The following PRDM11 variants were observed in gnomAD, a reference collection of about 807,000 sequenced individuals.
The protein encoded by PRDM11 is PR domain-containing protein 11.
A neutral mutation model predicts 97.8 loss-of-function variants in PRDM11; 20 were observed. The ratio of observed to expected loss-of-function variants is 0.20; its 90% CI spans 0.14 to 0.30. The LOEUF is 0.30. Among genes scored for constraint, PRDM11 ranks in the 10% least tolerant of loss-of-function variants. PRDM11 has a pLI of 1.00. For synonymous variants in PRDM11, 599 were observed against 637.7 expected (o/e 0.94, Z 0.91); for missense variants, 1,139 against 1,555.2 (o/e 0.73, Z 4.50).
chr11:45,169,660 A>G (rs1273320633), intron 1 of PRDM11, among the ~76,000 whole-genome samples: 2 of 152,210 alleles, frequency 1.3e-5, no homozygotes, highest in Admixed American at 1.3e-4. Context: ...CTTTCCAATA[A>G]TAGAACACTA....
rs755481965 is a variant in PRDM11 at position 45,232,600 on chromosome 11, G to A, written c.*4441G>A. ...AAAGGGGTTTTCAGAGGGCAGTGGT[G>A]TGCCCATTCCAGACACCAGTCTTCT... On this transcript the variant is annotated 3_prime_UTR_variant, in exon 8 of 8. Coordinates refer to ENST00000683152, the MANE Select transcript of PRDM11 (RefSeq NM_001384648.1). 8 of 152,410 alleles carry A rather than the reference G, an allele frequency of 5.2e-5. No homozygotes were observed. Among genetic ancestry groups the A allele is most frequent in the Admixed American group, 1.3e-4 (2 of 15,288 alleles). The allele number at this position is 152,410 out of a possible 1,614,324, so 9.4% of individuals were successfully genotyped here.
chr11:45,224,847 A>G lies in PRDM11; in HGVS notation c.1369+4A>G. ...CCAGAGTTCTCGGACCCTGCAGGTAAGTTGGTTTGGATGAGATTATTGTCG... is the reference window on the plus strand; with the variant it reads ...CCAGAGTTCTCGGACCCTGCAGGTAGGTTGGTTTGGATGAGATTATTGTCG... On this transcript the variant is annotated splice_donor_region_variant and intron_variant, in intron 7 of 7. Coordinates refer to ENST00000683152, the MANE Select transcript of PRDM11 (RefSeq NM_001384648.1). 1 of 1,613,312 alleles carries G rather than the reference A, an allele frequency of 6.2e-7. No homozygotes were observed. The highest frequency in any genetic ancestry group is 8.5e-7 in the Non-Finnish European group (1 of 1,180,006).
chr11:45,222,079 T>C (rs1565343958), intron 6 of PRDM11, among the ~76,000 whole-genome samples: 1 of 152,216 alleles, frequency 6.6e-6, no homozygotes, highest in Non-Finnish European at 1.5e-5. Flanking sequence ...CTGAAGAGAG[T>C]GTAAACTATT....
intron 1 of PRDM11, among the ~76,000 whole-genome samples, chr11:45,130,215 T>C (rs1852687709): frequency 6.6e-6 from 1 of 152,166 alleles, no homozygotes; most frequent in Admixed American, 6.5e-5. Flanking sequence ...GATATTGGGA[T>C]AGTTAAAAAG....
At chr11:45,154,008 G>A (rs1029496514) in intron 1 of PRDM11, among the ~76,000 whole-genome samples, 1 of 152,176 alleles carries the variant, frequency 6.6e-6, no homozygotes, top group Non-Finnish European at 1.5e-5. Context: ...AGTCTTTGAG[G>A]TTGCCTATTT....
chr11:45,135,128 A>ACTCTCTCTCTCT (rs58588988), intron 1 of PRDM11, among the ~76,000 whole-genome samples: 2 of 148,838 alleles, frequency 1.3e-5, no homozygotes, highest in African/African-American at 4.9e-5. Flanking sequence ...TTTTAATTAT[A>ACTCTCTCTCTCT]CTCTCTCTCT....
chr11:45,156,244 C>G (rs530905106), intron 1 of PRDM11, among the ~76,000 whole-genome samples: 1 of 152,370 alleles, frequency 6.6e-6, no homozygotes, highest in East Asian at 1.9e-4. Flanking sequence ...GTCACCCTCT[C>G]TGTGCCTTTA....
intron 5 of PRDM11, among the ~76,000 whole-genome samples, chr11:45,208,089 C>A (rs1853579759): frequency 6.6e-6 from 1 of 152,176 alleles, no homozygotes; most frequent in African/African-American, 2.4e-5. Flanking sequence ...AATCCCAGGT[C>A]CCCCTGGTGT....
chr11:45,181,437 G>A (rs1048177419), intron 1 of PRDM11, among the ~76,000 whole-genome samples: 5 of 152,202 alleles, frequency 3.3e-5, no homozygotes, highest in Non-Finnish European at 7.3e-5. Context: ...GCTCATGTGG[G>A]ATCCTCCTGC....
In PRDM11 at chr11:45,224,679, C is replaced by G; in HGVS notation, c.1205C>G (p.Pro402Arg). The G allele has an allele frequency of 6.2e-7, 1 of 1,614,158 alleles. No individual in the cohort carries two copies. ...SPAEASLASD[P>R]HELPTTSFCP... ...GCCGAGGCCTCCCTTGCATCTGACC[C>G]TCATGAACTTCCCACCACCTCTTTT... Residue 402 changes from proline (P) to arginine (R), a missense_variant, in exon 7 of 8, where the codon CCT (proline) becomes CGT (arginine). Coordinates refer to ENST00000683152, the MANE Select transcript of PRDM11 (RefSeq NM_001384648.1).
At chr11:45,204,669 C>T in intron 4 of PRDM11, 42 bp from the exon 5 acceptor site, 1 of 1,551,976 alleles carries the variant, frequency 6.4e-7, no homozygotes, top group Non-Finnish European at 8.9e-7. Flanking sequence ...CATGAGAACC[C>T]CTCTAGAATG....
chr11:45,176,325 C>T (rs1019880484), intron 1 of PRDM11, among the ~76,000 whole-genome samples: 5 of 152,022 alleles, frequency 3.3e-5, no homozygotes, highest in Middle Eastern at 3.2e-3. Context: ...TGCAATGAGC[C>T]GAGATCGTGC....
rs148178386 is a variant in PRDM11, at chr11:45,224,529, G to A, written c.1055G>A (p.Gly352Asp). The change falls in exon 7 of 8, where the codon GGT becomes GAT. Residue 352 changes from glycine (G) to aspartate (D), a missense_variant. Coordinates refer to ENST00000683152, the MANE Select transcript of PRDM11 (RefSeq NM_001384648.1). ...YSQCATTMTH[G>D]VQNIGQTQGE... ...CAGTGTGCAACAACAATGACCCATGGTGTGCAGAATATAGGCCAGACCCAG... is the reference window on the plus strand; with the variant it reads ...CAGTGTGCAACAACAATGACCCATGATGTGCAGAATATAGGCCAGACCCAG... The A allele has an allele frequency of 2.5e-6, 4 of 1,614,016 alleles. No homozygotes were observed. The East Asian group carries it at 8.9e-5, about 36-fold the overall frequency.
chr11:45,181,183 G>C (rs1249620164), intron 1 of PRDM11, among the ~76,000 whole-genome samples: 2 of 152,168 alleles, frequency 1.3e-5, no homozygotes, highest in Non-Finnish European at 2.9e-5. Flanking sequence ...CGGCGGGCTG[G>C]GGAGTGTCCC....
rs185974179 is a variant in PRDM11, at chr11:45,210,255, C to T, written c.554+5477C>T. Among the ~76,000 whole-genome samples, 243 of 152,350 alleles carry T rather than the reference C, an allele frequency of 1.6e-3. 1 individual carries two copies. Among genetic ancestry groups the T allele is most frequent in the African/African-American group, 5.0e-3 (206 of 41,588 alleles). ...TCCCTCTCCATCCTCCTGGCTGCTC[C>T]GCCACCCGCTCCCCACCCCTCTTCT... On this transcript the variant is annotated intron_variant, in intron 5 of 7. Coordinates refer to ENST00000683152, the MANE Select transcript of PRDM11 (RefSeq NM_001384648.1).
intron 7 of PRDM11, chr11:45,225,228 C>T: frequency 3.4e-6 from 3 of 880,002 alleles, no homozygotes; most frequent in East Asian, 5.1e-5. Context: ...TCTTGGCTTC[C>T]CTAACTTAGT....
At chr11:45,096,136 G>A (rs1021742094) in intron 1 of PRDM11, among the ~76,000 whole-genome samples, 2 of 152,180 alleles carry the variant, frequency 1.3e-5, no homozygotes, top group South Asian at 2.1e-4. Flanking sequence ...TGTTTGTTAC[G>A]GGCTTCTTTC....
intron 1 of PRDM11, among the ~76,000 whole-genome samples, chr11:45,134,612 T>C (rs1388633375): frequency 7.1e-6 from 1 of 139,928 alleles, no homozygotes; most frequent in Non-Finnish European, 1.5e-5. Flanking sequence ...GGTGGGAGAA[T>C]CGCTTGAGCC....
At chr11:45,165,978 G>C (rs1035019620) in intron 1 of PRDM11, among the ~76,000 whole-genome samples, 1 of 152,154 alleles carries the variant, frequency 6.6e-6, no homozygotes, top group Non-Finnish European at 1.5e-5. Context: ...GACAGCTGCT[G>C]TGCAGCCTTG....
Sources: allele counts gnomAD v4.1 joint callset (sites outside exome capture counted in the v4.1 genomes callset), GRCh38; gene constraint gnomAD v4.1.1; transcripts MANE v1.5; gene names NCBI Gene and HGNC (gene_info 2026-07-23, HGNC 2026-07-21).